LPAR1: variants seen among roughly 807,000 people sequenced by gnomAD.
LPAR1 encodes LPA receptor 1.
LPAR1 carries 5 observed loss-of-function variants against 23.8 expected under a neutral mutation model. That is an observed-to-expected ratio of 0.21 (90% CI 0.11 to 0.44). The LOEUF (loss-of-function observed/expected upper bound fraction) is 0.44. Ranked by LOEUF, LPAR1 falls within the 20% of genes least tolerant of loss-of-function variation. The probability of loss-of-function intolerance (pLI) is 0.99; values close to 1 mark genes in which losing one functional copy is unlikely to be tolerated. For synonymous variants in LPAR1, 160 were observed against 164.7 expected (o/e 0.97, Z 0.22); for missense variants, 311 against 482.8 (o/e 0.64, Z 3.33).
chr9:111,032,877 C>T (rs1055322185), intron 2 of LPAR1, among the ~76,000 whole-genome samples: 1 of 152,144 alleles, frequency 6.6e-6, no homozygotes, highest in Non-Finnish European at 1.5e-5. Flanking sequence ...AGCTGGAAAT[C>T]CCACCCATGG....
At chr9:110,962,082 C>G (rs572559383) in intron 4 of LPAR1, among the ~76,000 whole-genome samples, 3 of 152,286 alleles carry the variant, frequency 2.0e-5, no homozygotes, top group African/African-American at 7.2e-5. Context: ...TGAATTCCCC[C>G]CTGTAACTTC....
At chr9:110,911,625 C>T (rs2092444229) in intron 5 of LPAR1, among the ~76,000 whole-genome samples, 1 of 151,982 alleles carries the variant, frequency 6.6e-6, no homozygotes, top group African/African-American at 2.4e-5. Flanking sequence ...AAAATATTTT[C>T]AAAAGATTAT....
chr9:111,026,774 A>G (rs2097699746), intron 2 of LPAR1, among the ~76,000 whole-genome samples: 1 of 152,154 alleles, frequency 6.6e-6, no homozygotes, highest in Non-Finnish European at 1.5e-5. Flanking sequence ...TTCTGCATCT[A>G]TTGAGATAAT....
chr9:110,968,565 G>C (rs1237376022), intron 4 of LPAR1, among the ~76,000 whole-genome samples: 1 of 152,062 alleles, frequency 6.6e-6, no homozygotes, highest in Non-Finnish European at 1.5e-5. Flanking sequence ...AGCCTTCCCT[G>C]ATCCTCTAAA....
chr9:111,008,974 T>C (rs544156419), intron 2 of LPAR1, among the ~76,000 whole-genome samples: 5 of 152,038 alleles, frequency 3.3e-5, no homozygotes, highest in African/African-American at 1.2e-4. Context: ...GCAAAGCACA[T>C]ACAGAAACAA....
intron 4 of LPAR1, among the ~76,000 whole-genome samples, chr9:110,960,350 T>G (rs1282615685): frequency 6.6e-6 from 1 of 152,200 alleles, no homozygotes; most frequent in East Asian, 1.9e-4. Context: ...TAAATAAACC[T>G]GCAGAAGCCT....
chr9:111,005,867 C>A (rs1358012404), intron 2 of LPAR1, among the ~76,000 whole-genome samples: 7 of 152,204 alleles, frequency 4.6e-5, no homozygotes, highest in Non-Finnish European at 4.4e-5. Context: ...ACACACACAT[C>A]ATCAGCAGTG....
intron 5 of LPAR1, among the ~76,000 whole-genome samples, chr9:110,902,621 A>T (rs2089658350): frequency 6.6e-6 from 1 of 152,098 alleles, no homozygotes; most frequent in South Asian, 2.1e-4. Flanking sequence ...CATGAGACTA[A>T]TACACCTGCT....
chr9:111,016,410 C>G (rs967622884), intron 2 of LPAR1, among the ~76,000 whole-genome samples: 4 of 152,156 alleles, frequency 2.6e-5, no homozygotes, highest in Non-Finnish European at 2.9e-5. Flanking sequence ...TGAAACTTGA[C>G]CTGAACAAAT....
rs528846780 is a variant in LPAR1, at chr9:110,901,799, G to A, written c.794-26077C>T. ...GACTGCATTTCAGTTTTGTTTACAG[G>A]GAACTATGAAAGGTAGAAAAATAGA... On this transcript the variant is annotated intron_variant, in intron 5 of 5. Coordinates refer to ENST00000683809, the MANE Select transcript of LPAR1 (RefSeq NM_001351411.2). Among the ~76,000 whole-genome samples, 3 of 152,184 alleles carry A rather than the reference G, an allele frequency of 2.0e-5. No individual in the cohort carries two copies. The East Asian group carries it at 5.8e-4, about 29-fold the overall frequency.
At chr9:110,946,949 A>C (rs1433214482) in intron 4 of LPAR1, among the ~76,000 whole-genome samples, 1 of 152,212 alleles carries the variant, frequency 6.6e-6, no homozygotes, top group Non-Finnish European at 1.5e-5. Flanking sequence ...AAATGAGATG[A>C]TTTAAATGTG....
chr9:110,924,940 C>A (rs1346079157), intron 5 of LPAR1, among the ~76,000 whole-genome samples: 1 of 152,146 alleles, frequency 6.6e-6, no homozygotes, highest in Non-Finnish European at 1.5e-5. Context: ...ATGTGCCATC[C>A]TTCCTACCAG....
intron 4 of LPAR1, among the ~76,000 whole-genome samples, chr9:110,966,772 T>A (rs2096242334): frequency 6.6e-6 from 1 of 152,202 alleles, no homozygotes; most frequent in Non-Finnish European, 1.5e-5. Context: ...GAATATCTTT[T>A]AGGTTTTCAG....
chr9:110,919,712 T>C (rs921703143), intron 5 of LPAR1, among the ~76,000 whole-genome samples: 3 of 152,206 alleles, frequency 2.0e-5, no homozygotes, highest in Admixed American at 6.5e-5. Context: ...GCTGTCACCA[T>C]ATCCAAAATG....
intron 2 of LPAR1, among the ~76,000 whole-genome samples, chr9:111,028,868 TC>T (rs2097749063): frequency 6.6e-6 from 1 of 151,924 alleles, no homozygotes; most frequent in Non-Finnish European, 1.5e-5. Context: ...ATCTGCAACT[TC>T]CCCCAGACGT....
At chr9:110,877,855 T>G (rs899674315) in intron 5 of LPAR1, among the ~76,000 whole-genome samples, 11 of 152,220 alleles carry the variant, frequency 7.2e-5, no homozygotes, top group African/African-American at 2.7e-4. Flanking sequence ...TATTCTCTCA[T>G]ACTTAAGCTG....
At chr9:110,891,433 T>A (rs1465442856) in intron 5 of LPAR1, among the ~76,000 whole-genome samples, 1 of 152,162 alleles carries the variant, frequency 6.6e-6, no homozygotes, top group Non-Finnish European at 1.5e-5. Context: ...AACGCATTTG[T>A]GGGGGCAAGT....
chr9:110,914,474 C>T (rs1200764439), intron 5 of LPAR1, among the ~76,000 whole-genome samples: 1 of 152,154 alleles, frequency 6.6e-6, no homozygotes, highest in African/African-American at 2.4e-5. Context: ...GAAAGACCCA[C>T]CCCCATGATT....
chr9:111,017,796 C>T (rs563055698), intron 2 of LPAR1, among the ~76,000 whole-genome samples: 1 of 152,160 alleles, frequency 6.6e-6, no homozygotes, highest in Non-Finnish European at 1.5e-5. Context: ...CCGAGGCAGG[C>T]GGATCACGAG....
Sources: allele counts gnomAD v4.1 joint callset (sites outside exome capture counted in the v4.1 genomes callset), GRCh38; gene constraint gnomAD v4.1.1; transcripts MANE v1.5; gene names NCBI Gene and HGNC (gene_info 2026-07-23, HGNC 2026-07-21).